BMPER: variants seen among roughly 807,000 people sequenced by gnomAD.
BMPER encodes the protein BMP binding endothelial regulator.
In BMPER, 45 loss-of-function variants were observed where a neutral mutation model predicts 87.3. That is an observed-to-expected ratio of 0.52 (90% confidence interval 0.41 to 0.66). The LOEUF is 0.66. Ranked by LOEUF, BMPER falls within the 30% of genes least tolerant of loss-of-function variation. The pLI is 0.00. For missense variants in BMPER, 784 were observed against 867.5 expected (o/e 0.90, Z 1.21); for synonymous variants, 326 against 316.2 (o/e 1.03, Z -0.33).
At chr7:34,078,262 A>G (rs747335979) in intron 11 of BMPER, among the ~76,000 whole-genome samples, 2 of 152,216 alleles carry the variant, frequency 1.3e-5, no homozygotes, top group East Asian at 3.8e-4. Context: ...GAAAACGTAT[A>G]AAGACTATCT....
At chr7:34,021,140 G>A (rs1022953955) in intron 6 of BMPER, among the ~76,000 whole-genome samples, 1 of 151,914 alleles carries the variant, frequency 6.6e-6, no homozygotes, top group Non-Finnish European at 1.5e-5. Context: ...ATTTTTTTAA[G>A]TTTTGAAACT....
chr7:34,099,982 AC>A (rs1184703643), intron 13 of BMPER, among the ~76,000 whole-genome samples: 1 of 152,036 alleles, frequency 6.6e-6, no homozygotes, highest in Non-Finnish European at 1.5e-5. Flanking sequence ...TTTGCCTACA[AC>A]AGGGGATTCT....
chr7:34,065,224 C>G (rs1047391033), intron 11 of BMPER, among the ~76,000 whole-genome samples: 3 of 149,918 alleles, frequency 2.0e-5, no homozygotes, highest in Admixed American at 6.6e-5. Context: ...CTCTCTCTCT[C>G]TCTCTCTCTC....
At chr7:34,051,572 A>T (rs528457946) in intron 7 of BMPER, among the ~76,000 whole-genome samples, 3 of 152,142 alleles carry the variant, frequency 2.0e-5, no homozygotes, top group Non-Finnish European at 4.4e-5. Flanking sequence ...TGTGAGCTCC[A>T]TGAGGGGAGC....
intron 6 of BMPER, among the ~76,000 whole-genome samples, chr7:33,989,445 C>T (rs1786129347): frequency 1.3e-5 from 2 of 152,136 alleles, no homozygotes; most frequent in African/African-American, 4.8e-5. Context: ...TGTCCTTCGC[C>T]CACTTTTTGA....
At chr7:33,997,421 A>G (rs1413116723) in intron 6 of BMPER, among the ~76,000 whole-genome samples, 3 of 152,158 alleles carry the variant, frequency 2.0e-5, no homozygotes, top group South Asian at 2.1e-4. Flanking sequence ...AGTTTCCCCC[A>G]TGATATTCTC....
intron 3 of BMPER, among the ~76,000 whole-genome samples, chr7:33,958,680 G>A (rs1175432383): frequency 3.3e-5 from 5 of 152,162 alleles, no homozygotes; most frequent in Non-Finnish European, 7.3e-5. Context: ...GCAGAAGAGT[G>A]GCCGTTTGTT....
At chr7:34,088,378 T>A (rs1236727625) in intron 13 of BMPER, among the ~76,000 whole-genome samples, 1 of 152,204 alleles carries the variant, frequency 6.6e-6, no homozygotes, top group Non-Finnish European at 1.5e-5. Flanking sequence ...TGGCCAGTGT[T>A]GGCCAGATCC....
At chr7:33,980,729 A>C (rs1342422277) in intron 6 of BMPER, among the ~76,000 whole-genome samples, 2 of 152,192 alleles carry the variant, frequency 1.3e-5, no homozygotes, top group Non-Finnish European at 2.9e-5. Flanking sequence ...AAACCAGCCA[A>C]ATTAACCGGC....
At chr7:33,938,005 C>G (rs892730160) in intron 3 of BMPER, among the ~76,000 whole-genome samples, 7 of 152,168 alleles carry the variant, frequency 4.6e-5, no homozygotes, top group Admixed American at 3.9e-4. Context: ...TTTTTCCCAA[C>G]CTGTCCAGGT....
intron 11 of BMPER, among the ~76,000 whole-genome samples, chr7:34,071,431 T>A (rs1166235408): frequency 6.6e-6 from 1 of 152,222 alleles, no homozygotes; most frequent in Non-Finnish European, 1.5e-5. Context: ...AAGCCTTAAG[T>A]GGCAAAATCA....
At chr7:34,082,587 C>G (rs117993013) in intron 12 of BMPER, among the ~76,000 whole-genome samples, 1,622 of 152,078 alleles carry the variant, frequency 0.011, 17 homozygotes, top group South Asian at 0.026. Flanking sequence ...CTTTGGGGAT[C>G]GTGTTTTATG....
At chr7:34,059,489 C>G (rs1469150687) in intron 10 of BMPER, among the ~76,000 whole-genome samples, 1 of 152,038 alleles carries the variant, frequency 6.6e-6, no homozygotes, top group Non-Finnish European at 1.5e-5. Context: ...GGCATCCATT[C>G]CTCCAAGCAG....
intron 6 of BMPER, among the ~76,000 whole-genome samples, chr7:34,015,998 A>AAGAGAGAGAGTGAGAGAGAGAG (rs1787015640): frequency 1.3e-5 from 2 of 151,178 alleles, no homozygotes; most frequent in African/African-American, 2.4e-5. Context: ...GAGAGAGAGG[A>AAGAGAGAGAGTGAGAGAGAGAG]AGAGAGAGAG....
chr7:34,069,275 G>A (rs562223329), intron 11 of BMPER, among the ~76,000 whole-genome samples: 1 of 152,220 alleles, frequency 6.6e-6, no homozygotes, highest in Non-Finnish European at 1.5e-5. Flanking sequence ...ACACTTGGTG[G>A]GAAGTACTGT....
intron 12 of BMPER, among the ~76,000 whole-genome samples, chr7:34,080,820 G>A (rs749009579): frequency 4.6e-5 from 7 of 152,160 alleles, no homozygotes; most frequent in East Asian, 1.9e-4. Context: ...TAAGAGGTTC[G>A]ATAGTGTTCC....
At chr7:33,998,708 T>A (rs906087183) in intron 6 of BMPER, among the ~76,000 whole-genome samples, 3 of 152,184 alleles carry the variant, frequency 2.0e-5, no homozygotes, top group Non-Finnish European at 1.5e-5. Context: ...TGGCTGGATC[T>A]GTGTGGGGAG....
intron 13 of BMPER, among the ~76,000 whole-genome samples, chr7:34,124,865 A>G (rs1790360599): frequency 6.6e-6 from 1 of 152,122 alleles, no homozygotes; most frequent in Non-Finnish European, 1.5e-5. Flanking sequence ...AAATTTTGAA[A>G]CCAGGATTAA....
In BMPER at chr7:34,123,405, G is replaced by A. The variant is rs140188955; in HGVS notation, c.1746-19825G>A. On this transcript the variant is annotated intron_variant, in intron 13 of 14. Transcript: ENST00000649409. ...CCTAGAGATGAGGTCAACTCCTGGG[G>A]TATATGTATTTCTTGGGCAGAACTG... Among the ~76,000 whole-genome samples, 160 of 152,284 alleles carry A rather than the reference G, an allele frequency of 1.1e-3. 1 individual carries two copies. In the East Asian group the frequency reaches 0.015, roughly 14 times the overall value.
Sources: gnomAD v4.1 joint callset for allele counts (sites outside exome capture counted in the v4.1 genomes callset) on GRCh38, gnomAD v4.1.1 for gene constraint, MANE v1.5 for transcripts, NCBI Gene and HGNC (gene_info 2026-07-23, HGNC 2026-07-21) for gene names.